C8orf34: variants seen among roughly 807,000 people sequenced by gnomAD.
The protein encoded by C8orf34 is chromosome 8 open reading frame 34, also known as uncharacterized protein C8orf34.
A neutral mutation model predicts 68.3 loss-of-function variants in C8orf34; 65 were observed. That is an observed-to-expected ratio of 0.95 (90% CI 0.78 to 1.17). C8orf34 has a LOEUF of 1.17. C8orf34 is among the 50% of genes most tolerant of loss of function. The pLI is 0.00. For missense variants in C8orf34, 664 were observed against 655.4 expected, an observed-to-expected ratio of 1.01 and a Z score of -0.14; for synonymous variants, 244 against 241.2, an observed-to-expected ratio of 1.01 and a Z score of -0.11.
chr8:68,687,813 A>G (rs546600967), intron 8 of C8orf34, among the ~76,000 whole-genome samples: 1 of 152,294 alleles, frequency 6.6e-6, no homozygotes, highest in East Asian at 1.9e-4. Context: ...AATAATCAAC[A>G]GAGTAAATAG....
intron 1 of C8orf34, among the ~76,000 whole-genome samples, chr8:68,367,907 G>GAAAAAAAAAAAAAAAA (rs1807360133): frequency 1.5e-3 from 22 of 15,024 alleles, no homozygotes; most frequent in Non-Finnish European, 1.8e-3. Context: ...AATAAAAAAA[G>GAAAAAAAAAAAAAAAA]AAAAGAAAAA....
At chr8:68,759,359 GAGGATCT>G (rs1305166008) in intron 10 of C8orf34, among the ~76,000 whole-genome samples, 1 of 152,166 alleles carries the variant, frequency 6.6e-6, no homozygotes, top group African/African-American at 2.4e-5. Flanking sequence ...AACAACAGTA[GAGGATCT>G]AGTCTTTCTT....
intron 7 of C8orf34, among the ~76,000 whole-genome samples, chr8:68,560,505 A>G (rs1454255854): frequency 6.6e-6 from 1 of 152,208 alleles, no homozygotes; most frequent in East Asian, 1.9e-4. Context: ...CATCCTTACC[A>G]GATTTAGTCT....
intron 9 of C8orf34, among the ~76,000 whole-genome samples, chr8:68,713,675 A>G (rs1218312788): frequency 2.0e-5 from 3 of 152,172 alleles, no homozygotes; most frequent in Non-Finnish European, 2.9e-5. Flanking sequence ...AAAATTGCCA[A>G]TAAAAATAAG....
intron 7 of C8orf34, among the ~76,000 whole-genome samples, chr8:68,550,590 T>C (rs548947515): frequency 6.6e-6 from 1 of 152,002 alleles, no homozygotes; most frequent in African/African-American, 2.4e-5. Context: ...CAGATCCAAG[T>C]TTCTGACCTA....
intron 1 of C8orf34, among the ~76,000 whole-genome samples, chr8:68,380,338 G>A (rs1285864165): frequency 6.6e-6 from 1 of 152,222 alleles, no homozygotes; most frequent in East Asian, 1.9e-4. Flanking sequence ...AAGAGAAACT[G>A]AGTTCAGCCA....
chr8:68,451,928 T>A (rs2129627576), intron 3 of C8orf34, among the ~76,000 whole-genome samples: 1 of 152,138 alleles, frequency 6.6e-6, no homozygotes, highest in African/African-American at 2.4e-5. Flanking sequence ...TGAAATACAG[T>A]AAAGCAAGGT....
chr8:68,475,835 A>G (rs1396671324), intron 4 of C8orf34, among the ~76,000 whole-genome samples: 1 of 152,162 alleles, frequency 6.6e-6, no homozygotes, highest in Non-Finnish European at 1.5e-5. Context: ...GATGTGAGGT[A>G]GTGGTGGGAT....
chr8:68,502,564 G>A (rs1000385128), intron 5 of C8orf34, among the ~76,000 whole-genome samples: 2 of 152,132 alleles, frequency 1.3e-5, no homozygotes, highest in African/African-American at 4.8e-5. Flanking sequence ...TTTTGGGGGA[G>A]GTTAGGGGAC....
At chr8:68,804,507 C>A (rs986526728) in intron 12 of C8orf34, among the ~76,000 whole-genome samples, 17 of 152,108 alleles carry the variant, frequency 1.1e-4, no homozygotes, top group African/African-American at 4.1e-4. Flanking sequence ...GGGTTTAATT[C>A]ATCTATTTAA....
chr8:68,774,327 G>GTATATATATATATA (rs1332535200), intron 10 of C8orf34, among the ~76,000 whole-genome samples: 979 of 95,996 alleles, frequency 0.01, 80 homozygotes, highest in African/African-American at 0.042. Context: ...ATATGGGTGT[G>GTATATATATATATA]TGTGTATATA....
intron 4 of C8orf34, among the ~76,000 whole-genome samples, chr8:68,475,886 A>G (rs1039435805): frequency 3.3e-5 from 5 of 152,158 alleles, no homozygotes; most frequent in African/African-American, 1.2e-4. Context: ...CATGGATTTC[A>G]GTTCATATGA....
At chr8:68,603,725 G>A (rs997593138) in intron 7 of C8orf34, among the ~76,000 whole-genome samples, 98 of 152,180 alleles carry the variant, frequency 6.4e-4, no homozygotes, top group African/African-American at 2.3e-3. Context: ...AAAAACCACA[G>A]TGGGGATATG....
intron 3 of C8orf34, among the ~76,000 whole-genome samples, chr8:68,460,347 C>T (rs1811750445): frequency 6.6e-6 from 1 of 152,230 alleles, no homozygotes; most frequent in Non-Finnish European, 1.5e-5. Flanking sequence ...TCTGTAGGCT[C>T]CACCTCTGGG....
chr8:68,343,269 T>C (rs1806148088), intron 1 of C8orf34, among the ~76,000 whole-genome samples: 2 of 152,132 alleles, frequency 1.3e-5, no homozygotes, highest in Admixed American at 6.5e-5. Flanking sequence ...GAGAAATCAC[T>C]ACACACCTAT....
chr8:68,343,628 CT>C (rs1368360325), intron 1 of C8orf34, among the ~76,000 whole-genome samples: 1 of 149,442 alleles, frequency 6.7e-6, no homozygotes, highest in Admixed American at 6.7e-5. Context: ...GAGTCTCGCT[CT>C]GCCGCCCAGG....
chr8:68,353,399 T>G (rs1806601542), intron 1 of C8orf34, among the ~76,000 whole-genome samples: 1 of 152,016 alleles, frequency 6.6e-6, no homozygotes, highest in Non-Finnish European at 1.5e-5. Context: ...GGTAATATTT[T>G]CCAGTAGTTT....
intron 1 of C8orf34, among the ~76,000 whole-genome samples, chr8:68,360,039 C>T (rs1167730671): frequency 6.6e-6 from 1 of 152,206 alleles, no homozygotes; most frequent in Middle Eastern, 3.4e-3. Flanking sequence ...AAAAAGGAAC[C>T]AAAATAACAC....
At chr8:68,584,921 C>T (rs1391260796) in intron 7 of C8orf34, among the ~76,000 whole-genome samples, 1 of 152,038 alleles carries the variant, frequency 6.6e-6, no homozygotes, top group Non-Finnish European at 1.5e-5. Context: ...ACTGTTGAAC[C>T]AATATCATGT....
Sources: allele counts gnomAD v4.1 joint callset (sites outside exome capture counted in the v4.1 genomes callset), GRCh38; gene constraint gnomAD v4.1.1; transcripts MANE v1.5; gene names NCBI Gene and HGNC (gene_info 2026-07-23, HGNC 2026-07-21).